Variants in CTNNA3 observed in about 807,000 individuals in gnomAD.
CTNNA3 encodes the protein catenin alpha 3, also known as catenin alpha-3.
Under a neutral mutation model 95.7 loss-of-function variants are expected in CTNNA3, and 76 were observed. That is an observed-to-expected ratio of 0.79 (90% confidence interval 0.66 to 0.96). CTNNA3 has a LOEUF of 0.96. Among genes scored for constraint, CTNNA3 ranks in the 40% least tolerant of loss-of-function variants. CTNNA3 has a pLI of 0.00. For missense variants in CTNNA3, 1,191 were observed against 1,089.8 expected (o/e 1.09, Z -1.31); for synonymous variants, 431 against 374.4 (o/e 1.15, Z -1.74).
At chr10:67,388,288 T>G (rs1297997675) in intron 5 of CTNNA3, among the ~76,000 whole-genome samples, 4 of 135,070 alleles carry the variant, frequency 3.0e-5, no homozygotes, top group African/African-American at 1.1e-4. Context: ...GCCGATGCGA[T>G]CAACTGGAAG....
At chr10:67,615,194 G>A (rs964441631) in intron 2 of CTNNA3, among the ~76,000 whole-genome samples, 3 of 152,044 alleles carry the variant, frequency 2.0e-5, no homozygotes, top group Non-Finnish European at 4.4e-5. Context: ...TTAGGGTTTT[G>A]TTTGTTTGTT....
intron 3 of CTNNA3, among the ~76,000 whole-genome samples, chr10:67,548,436 A>C (rs558308292): frequency 2.6e-4 from 39 of 152,330 alleles, no homozygotes; most frequent in African/African-American, 7.5e-4. Flanking sequence ...CTTTCAAAGA[A>C]ATTCACCAGC....
chr10:67,216,969 GATTTA>G (rs1864396831), intron 6 of CTNNA3, among the ~76,000 whole-genome samples: 1 of 152,134 alleles, frequency 6.6e-6, no homozygotes, highest in Admixed American at 6.6e-5. Context: ...TAAATCAATT[GATTTA>G]GCCAGTATAG....
At chr10:66,362,965 T>A (rs2092687198) in intron 12 of CTNNA3, among the ~76,000 whole-genome samples, 1 of 152,282 alleles carries the variant, frequency 6.6e-6, no homozygotes, top group East Asian at 1.9e-4. Context: ...AAGGAAAACA[T>A]CTTTAAATAA....
chr10:66,360,818 TTTCTTTCTTTCTTTCTTTCTTTC>T (rs1402383051), intron 12 of CTNNA3, among the ~76,000 whole-genome samples: 1 of 71,160 alleles, frequency 1.4e-5, no homozygotes, highest in Non-Finnish European at 2.4e-5. Flanking sequence ...CCTTCCTTCC[TTTCTTTCTTTCTTTCTTTCTTTC>T]TTTCTTTCTT....
chr10:66,347,709 C>T (rs4545429), intron 12 of CTNNA3, among the ~76,000 whole-genome samples: 89,522 of 151,544 alleles, frequency 0.59, 28,750 homozygotes, highest in Non-Finnish European at 0.72. Flanking sequence ...ATCATCATAT[C>T]ATACACAACT....
chr10:65,989,810 T>C (rs1036042096), intron 15 of CTNNA3, among the ~76,000 whole-genome samples: 1 of 152,104 alleles, frequency 6.6e-6, no homozygotes. Context: ...AATATTTGAA[T>C]TGTTCTTTCT....
At chr10:66,338,158 T>C (rs571163486) in intron 12 of CTNNA3, among the ~76,000 whole-genome samples, 2 of 152,176 alleles carry the variant, frequency 1.3e-5, no homozygotes, top group African/African-American at 4.8e-5. Context: ...ACACCAAGGA[T>C]GGACCTCAAA....
chr10:66,379,392 G>C, intron 11 of CTNNA3, 40 bp from the exon 12 acceptor site: 2 of 1,504,768 alleles, frequency 1.3e-6, no homozygotes, highest in Non-Finnish European at 1.8e-6. Context: ...GCGTGTGTCT[G>C]TGTTTAAAAT....
chr10:67,694,180 C>G (rs1840919879), intron 1 of CTNNA3, among the ~76,000 whole-genome samples: 1 of 152,154 alleles, frequency 6.6e-6, no homozygotes, highest in African/African-American at 2.4e-5. Context: ...ACAATACTAT[C>G]TATCGGTTTC....
intron 12 of CTNNA3, among the ~76,000 whole-genome samples, chr10:66,363,961 CA>C (rs1365603762): frequency 1.3e-5 from 2 of 152,080 alleles, no homozygotes; most frequent in Non-Finnish European, 2.9e-5. Flanking sequence ...CCTTGTTTTA[CA>C]GATGACAGAA....
rs188044426 is a variant in CTNNA3, at chr10:67,315,085, T to C, written c.580-95215A>G. On this transcript the variant is annotated intron_variant, in intron 5 of 17. Transcript: ENST00000433211. ...TCTAACTGCTGGAGTACACACACAG[T>C]GCCCAGTCCTCAGACCTTTTCTTTT... 4.9e-3 allele frequency among the ~76,000 whole-genome samples: 745 copies of C among 152,328 alleles called. 6 individuals carry two copies. The highest frequency in any genetic ancestry group is 0.017 in the African/African-American group (714 of 41,566).
intron 5 of CTNNA3, among the ~76,000 whole-genome samples, chr10:67,356,876 A>C (rs1050864465): frequency 2.0e-5 from 3 of 152,066 alleles, no homozygotes; most frequent in Non-Finnish European, 4.4e-5. Context: ...CCAAATATCT[A>C]AACATGGGCT....
intron 13 of CTNNA3, among the ~76,000 whole-genome samples, chr10:66,242,259 G>A (rs2090142861): frequency 6.6e-6 from 1 of 151,984 alleles, no homozygotes; most frequent in Non-Finnish European, 1.5e-5. Flanking sequence ...CCTGTTACCT[G>A]AAACAACAGA....
intron 3 of CTNNA3, among the ~76,000 whole-genome samples, chr10:67,552,692 AGT>A (rs1262042029): frequency 6.6e-6 from 1 of 151,946 alleles, no homozygotes; most frequent in Non-Finnish European, 1.5e-5. Context: ...GACAGGACCC[AGT>A]GTGTGTTGTT....
intron 7 of CTNNA3, among the ~76,000 whole-genome samples, chr10:66,913,458 T>A (rs534916368): frequency 5.3e-5 from 8 of 152,226 alleles, no homozygotes; most frequent in Non-Finnish European, 1.2e-4. Flanking sequence ...ATGCCTGAAA[T>A]CTGTCATGAG....
chr10:67,676,289 CAG>C (rs1840533337), intron 1 of CTNNA3, among the ~76,000 whole-genome samples: 2 of 151,840 alleles, frequency 1.3e-5, no homozygotes, highest in South Asian at 4.1e-4. Flanking sequence ...CACAAGAACA[CAG>C]AAAAATATAT....
intron 10 of CTNNA3, among the ~76,000 whole-genome samples, chr10:66,609,138 T>C (rs1349466320): frequency 6.6e-6 from 1 of 151,666 alleles, no homozygotes; most frequent in Non-Finnish European, 1.5e-5. Context: ...CAGCTCACTG[T>C]AACCTCCACC....
intron 5 of CTNNA3, among the ~76,000 whole-genome samples, chr10:67,498,207 C>T (rs144618202): frequency 0.026 from 3,982 of 152,224 alleles, 68 homozygotes; most frequent in Non-Finnish European, 0.041. Context: ...TTCCCCATTG[C>T]TTGTTTTTGT....
Sources: gnomAD v4.1 joint callset for allele counts (sites outside exome capture counted in the v4.1 genomes callset) on GRCh38, gnomAD v4.1.1 for gene constraint, MANE v1.5 for transcripts, NCBI Gene and HGNC (gene_info 2026-07-23, HGNC 2026-07-21) for gene names.